RAVER1: variants seen among roughly 807,000 people sequenced by gnomAD.
The protein encoded by RAVER1 is ribonucleoprotein, PTB binding 1.
A neutral mutation model predicts 68.4 loss-of-function variants in RAVER1; 36 were observed. The observed-to-expected ratio is 0.53, with a 90% confidence interval of 0.40 to 0.70. RAVER1 has a LOEUF of 0.70. Ranked by LOEUF, RAVER1 falls within the 30% of genes least tolerant of loss-of-function variation. The pLI is 0.00. For missense variants in RAVER1, 933 were observed against 1,019.8 expected, an observed-to-expected ratio of 0.91 and a Z score of 1.16; for synonymous variants, 469 against 472.7, an observed-to-expected ratio of 0.99 and a Z score of 0.10.
chr19:10,324,154 CA>C (rs60714347), intron 3 of RAVER1, among the ~76,000 whole-genome samples: 19,221 of 95,210 alleles, frequency 0.2, 1,444 homozygotes, highest in Admixed American at 0.32. Flanking sequence ...AACTCCATCT[CA>C]AAAAAAAAAA....
At chr19:10,319,356 G>A (rs1055926551) in intron 9 of RAVER1, 116 bp from the exon 10 acceptor site, 11 of 1,050,286 alleles carry the variant, frequency 1.0e-5, no homozygotes, top group Non-Finnish European at 1.6e-5. Flanking sequence ...CTGGGACCAG[G>A]AAGAGGCAAA....
intron 1 of RAVER1, among the ~76,000 whole-genome samples, chr19:10,332,874 C>T (rs970455385): frequency 3.9e-5 from 6 of 152,140 alleles, no homozygotes; most frequent in Admixed American, 1.3e-4. Flanking sequence ...GCGTACTCTC[C>T]GCAGTCCTGA....
chr19:10,326,187 G>A (rs577318432), intron 3 of RAVER1, among the ~76,000 whole-genome samples: 4 of 152,258 alleles, frequency 2.6e-5, no homozygotes, highest in East Asian at 1.9e-4. Context: ...CCCAGGAGGC[G>A]GAGGATGCAG....
Position 10,323,158 on chromosome 19 carries a change from C to G in RAVER1, c.1065G>C (p.Ala355=), listed in dbSNP as rs773390002. ...GCCCCACCTTACCCTGCTTCCCCCC[C>G]GCACTGCCATGGAGCAGGGGGTTGA... is the stretch of plus-strand genomic sequence containing the variant. ...LLLNPLLHGS[A]GGKQGLLGAP... is the part of the protein sequence containing the mutation. The change falls in exon 5 of 13, where the codon GCG becomes GCC. Residue 355 remains alanine (A), a synonymous_variant. Coordinates refer to ENST00000617231, the MANE Select transcript of RAVER1 (RefSeq NM_133452.3). The surrounding 1 kb of genome is among the most constrained non-coding windows in gnomAD (Gnocchi z 6.2). The G allele has an allele frequency of 3.1e-5, 50 of 1,602,934 alleles. No homozygotes were observed. Among genetic ancestry groups the G allele is most frequent in the Middle Eastern group, 1.8e-4 (1 of 5,464 alleles).
At chr19:10,324,966 G>T (rs187079467) in intron 3 of RAVER1, among the ~76,000 whole-genome samples, 1 of 152,034 alleles carries the variant, frequency 6.6e-6, no homozygotes, top group Non-Finnish European at 1.5e-5. Context: ...CAGGAGGATC[G>T]TTTGAGCACA....
chr19:10,333,387 G>A lies in RAVER1; in HGVS notation c.121C>T (p.Pro41Ser), dbSNP rs1386002137. The change falls in exon 1 of 13, where the codon CCA becomes TCA. Residue 41 changes from proline (P) to serine (S), a missense_variant. Transcript: ENST00000617231. This position sits in a 1 kb window ranked among gnomAD's most constrained non-coding sequence, Gnocchi z 4.2. ...APEEELPPLD[P>S]EEIRKRLEHT... ...TCCAGGCGTTTCCGGATCTCTTCTG[G>A]ATCTAGAGGCGGCAGCTCTTCTTCC... 1.2e-6 allele frequency: 2 copies of A among 1,613,750 alleles called. No homozygotes were observed. The highest frequency in any genetic ancestry group is 2.7e-5 in the African/African-American group (2 of 74,918).
intron 3 of RAVER1, among the ~76,000 whole-genome samples, chr19:10,327,579 C>T (rs2040484163): frequency 6.6e-6 from 1 of 152,186 alleles, no homozygotes; most frequent in Non-Finnish European, 1.5e-5. Context: ...AGCCTCTGCA[C>T]TGGCCTCCGC....
chr19:10,322,646 T>G lies in RAVER1; in HGVS notation c.1172A>C (p.Lys391Thr). ...LQLALQTQGQ[K>T]KPGILGDSPL... ...GGGTGAGGGGGATGCGTGTGTTACC[T>G]TCTGGCCCTGGGTCTGCAGGGCGAG... Residue 391 changes from lysine to threonine, a missense_variant and splice_region_variant, in exon 6 of 13, where the codon AAG becomes ACG. Physicochemically the swap from Lys to Thr is moderately conservative, Grantham distance 78 (BLOSUM62 -1). This residue lies in a region of RAVER1 where 699 missense variants were observed against 731.1 expected (regional missense o/e 0.96). Transcript: ENST00000617231. The surrounding 1 kb of genome is among the most constrained non-coding windows in gnomAD (Gnocchi z 4.3). The G allele has an allele frequency of 6.5e-7, 1 of 1,537,016 alleles. No individual in the cohort carries two copies. The highest frequency in any genetic ancestry group is 1.3e-5 in the South Asian group (1 of 78,906).
chr19:10,321,067 G>A lies in RAVER1; in HGVS notation c.1454C>T (p.Pro485Leu). The A allele has an allele frequency of 7.3e-7, 1 of 1,372,302 alleles. No individual in the cohort carries two copies. Among genetic ancestry groups the A allele is most frequent in the Middle Eastern group, 2.2e-4 (1 of 4,492 alleles). 85.0% of individuals were successfully genotyped at this position (1,372,302 alleles called of 1,614,324 possible). ...GLRGLQKDSG[P>L]LPTPPGVSLL... Reference sequence around the variant, plus strand: ...CCTTACCCCAGGGGGCGTCGGCAGAGGCCCACTGTCTTTCTGGAGGCCTCT... The same window carrying A: ...CCTTACCCCAGGGGGCGTCGGCAGAAGCCCACTGTCTTTCTGGAGGCCTCT... Residue 485 changes from proline to leucine, a missense_variant, in exon 8 of 13, where the codon CCT becomes CTT. Pro to Leu is a moderately conservative substitution (Grantham distance 98, BLOSUM62 -3). This residue lies in a region of RAVER1 where 699 missense variants were observed against 731.1 expected (regional missense o/e 0.96). Coordinates refer to ENST00000617231, the MANE Select transcript of RAVER1 (RefSeq NM_133452.3).
rs2040389032 is a variant in RAVER1 at position 10,316,532 on chromosome 19, G to C, written c.*922C>G. 1 of 987,904 alleles carries C rather than the reference G, an allele frequency of 1.0e-6. No individual in the cohort carries two copies. Among genetic ancestry groups the C allele is most frequent in the Non-Finnish European group, 1.2e-6 (1 of 831,328 alleles). The allele number at this position is 987,904 out of a possible 1,614,324, so 61.2% of individuals were successfully genotyped here. A position where few individuals can be genotyped will look rare whatever the true frequency, so the allele number is the denominator to read the frequency against. The stretch of plus-strand genomic sequence containing the variant: ...CATCTTCAACAAGCGAGTGACAGCA[G>C]AGGCTCCGGGAGATGGGCACAATGT... On this transcript the variant is annotated 3_prime_UTR_variant, in exon 13 of 13. Transcript: ENST00000617231.
Position 10,323,288 on chromosome 19 carries a change from C to T in RAVER1, c.949-14G>A, listed in dbSNP as rs753829998. ...CCGATTGAGGGCCTGCAGGAAGGAA[C>T]AGAAGCAGCTCAGAGTGCCGCTGGG... On this transcript the variant is annotated splice_polypyrimidine_tract_variant and intron_variant, in intron 4 of 12. Transcript: ENST00000617231. This position sits in a 1 kb window ranked among gnomAD's most constrained non-coding sequence, Gnocchi z 6.2. The T allele has an allele frequency of 6.2e-7, 1 of 1,613,192 alleles. No individual in the cohort carries two copies. The highest frequency in any genetic ancestry group is 8.5e-7 in the Non-Finnish European group (1 of 1,179,642).
rs1429391711 is a variant in RAVER1 at position 10,318,249 on chromosome 19, T to G, written c.1969A>C (p.Lys657Gln). 3.7e-6 allele frequency: 6 copies of G among 1,605,476 alleles called. No individual in the cohort carries two copies. The highest frequency in any genetic ancestry group is 5.1e-6 in the Non-Finnish European group (6 of 1,176,888). ...CTCACCTTACTGAGGTGGCTCTGCT[T>G]GAGGCCAGCCTGCAGGCCGCTGGTG... ...YFTSGLQAGL[K>Q]QSHLSKAIGS... The change falls in exon 11 of 13, where the codon AAG (lysine) becomes CAG (glutamine). Residue 657 changes from lysine to glutamine, a missense_variant. Around this residue, in one of 3 missense-constraint regions of RAVER1, gnomAD observed 699 missense variants for 731.1 expected, o/e 0.96. Transcript: ENST00000617231.
chr19:10,333,015 C>A lies in RAVER1; in HGVS notation c.219+274G>T, dbSNP rs1270272637. ...TCCCCAACAGGACCAAAGCTGTCCG[C>A]CCCCTTCCATTCCCCGCCCGCTTCC... On this transcript the variant is annotated intron_variant, in intron 1 of 12. Transcript: ENST00000617231. This position sits in a 1 kb window ranked among gnomAD's most constrained non-coding sequence, Gnocchi z 4.2. Among the ~76,000 whole-genome samples the A allele has an allele frequency of 6.6e-6, 1 of 152,134 alleles. No homozygotes were observed. The highest frequency in any genetic ancestry group is 1.9e-4 in the East Asian group (1 of 5,196).
chr19:10,331,941 A>G (rs191110699), intron 1 of RAVER1, among the ~76,000 whole-genome samples: 1 of 152,210 alleles, frequency 6.6e-6, no homozygotes, highest in Admixed American at 6.6e-5. Context: ...GTGGGTTCAC[A>G]TGCCTCCCAA....
chr19:10,327,771 C>T (rs1159333214), intron 3 of RAVER1, among the ~76,000 whole-genome samples: 2 of 152,200 alleles, frequency 1.3e-5, no homozygotes, highest in Non-Finnish European at 2.9e-5. Context: ...GTTACGTACT[C>T]AGAGTCCACA....
rs750109245 is a variant in RAVER1 at position 10,333,268 on chromosome 19, C to G, written c.219+21G>C. 8.1e-6 allele frequency: 13 copies of G among 1,608,074 alleles called. No individual in the cohort carries two copies. In the Admixed American group the frequency reaches 1.3e-4, roughly 17 times the overall value. The stretch of plus-strand genomic sequence containing the variant: ...CACCGTGGTATTTCCCGCCACGCTC[C>G]TACACCGCCCCCCCCAATACCTGGT... On this transcript the variant is annotated intron_variant, in intron 1 of 12. Coordinates refer to ENST00000617231, the MANE Select transcript of RAVER1 (RefSeq NM_133452.3). This position sits in a 1 kb window ranked among gnomAD's most constrained non-coding sequence, Gnocchi z 4.2.
chr19:10,328,930 G>T lies in RAVER1; in HGVS notation c.468C>A (p.Gly156=). ...QQFEELVRPF[G]SLERCFLVYS... is the part of the protein sequence containing the mutation. Reference sequence around the variant, plus strand: ...AGACCAGGAAGCAGCGCTCCAGGCTGCCGAAGGGCCGCACCAGCTCCTCGA... The same window carrying T: ...AGACCAGGAAGCAGCGCTCCAGGCTTCCGAAGGGCCGCACCAGCTCCTCGA... The change falls in exon 3 of 13, where the codon GGC becomes GGA. Residue 156 remains glycine (G), a synonymous_variant. Transcript: ENST00000617231. This position sits in a 1 kb window ranked among gnomAD's most constrained non-coding sequence, Gnocchi z 4.4. 1 of 1,610,702 alleles carries T rather than the reference G, an allele frequency of 6.2e-7. No individual in the cohort carries two copies. The highest frequency in any genetic ancestry group is 8.5e-7 in the Non-Finnish European group (1 of 1,178,070).
chr19:10,333,251 T>G lies in RAVER1; in HGVS notation c.219+38A>C. The G allele has an allele frequency of 6.4e-7, 1 of 1,574,264 alleles. No homozygotes were observed. The highest frequency in any genetic ancestry group is 8.7e-7 in the Non-Finnish European group (1 of 1,153,506). On this transcript the variant is annotated intron_variant, in intron 1 of 12. Coordinates refer to ENST00000617231, the MANE Select transcript of RAVER1 (RefSeq NM_133452.3). This position sits in a 1 kb window ranked among gnomAD's most constrained non-coding sequence, Gnocchi z 4.2. The stretch of plus-strand genomic sequence containing the variant: ...TTCCCCCCGCGCACGCGCACCGTGG[T>G]ATTTCCCGCCACGCTCCTACACCGC...
In RAVER1 at chr19:10,321,007, C is replaced by T. The variant is rs763706471; in HGVS notation, c.1473+41G>A. The T allele has an allele frequency of 4.1e-6, 6 of 1,477,264 alleles. No individual in the cohort carries two copies. In the African/African-American group the frequency reaches 5.8e-5, roughly 14 times the overall value. The allele number at this position is 1,477,264 out of a possible 1,614,324, so 91.5% of individuals were successfully genotyped here. On this transcript the variant is annotated intron_variant, in intron 8 of 12. Transcript: ENST00000617231. ...CCCCGGGAGAGGGAACCCTGCGGAA[C>T]AGGAGGCTGGTGTGGTGCCGCGCGC...
Sources: allele counts gnomAD v4.1 joint callset (sites outside exome capture counted in the v4.1 genomes callset), GRCh38; gene constraint gnomAD v4.1.1; regional missense constraint gnomAD v4.1.1; non-coding constraint Gnocchi (gnomAD v3.1); transcripts MANE v1.5; gene names NCBI Gene and HGNC (gene_info 2026-07-23, HGNC 2026-07-21).